The following AFF3 variants were observed in gnomAD, a reference collection of about 807,000 sequenced individuals.
AFF3 encodes ALF transcription elongation factor 3.
A neutral mutation model predicts 129.7 loss-of-function variants in AFF3; 32 were observed. The ratio of observed to expected loss-of-function variants is 0.25; its 90% CI spans 0.19 to 0.33. The LOEUF (loss-of-function observed/expected upper bound fraction) is 0.33. AFF3 is among the 10% of genes least tolerant of loss of function. AFF3 has a pLI of 1.00. For missense variants in AFF3, 1,373 were observed against 1,592.0 expected (o/e 0.86, Z 2.34); for synonymous variants, 644 against 635.4 (o/e 1.01, Z -0.20).
chr2:99,915,742 T>A (rs1278416911), intron 7 of AFF3, among the ~76,000 whole-genome samples: 1 of 152,222 alleles, frequency 6.6e-6, no homozygotes, highest in Non-Finnish European at 1.5e-5. Context: ...CTGAAATGAA[T>A]TTGCTATTTC....
intron 9 of AFF3, among the ~76,000 whole-genome samples, chr2:99,746,451 T>C (rs1681165361): frequency 6.6e-6 from 1 of 152,136 alleles, no homozygotes. Flanking sequence ...AGAGGTTGGG[T>C]AGGAAAATTG....
At chr2:100,139,505 A>T (rs901238114) in intron 1 of AFF3, among the ~76,000 whole-genome samples, 14 of 152,214 alleles carry the variant, frequency 9.2e-5, no homozygotes, top group Admixed American at 5.2e-4. Context: ...GCAGGAGTCT[A>T]GTTGTCTTGT....
intron 7 of AFF3, among the ~76,000 whole-genome samples, chr2:99,906,787 T>C (rs79891136): frequency 0.012 from 1,813 of 152,036 alleles, 40 homozygotes; most frequent in African/African-American, 0.041. Flanking sequence ...GCTAGCCCCA[T>C]ATTCGTATAA....
At chr2:99,630,521 G>C (rs1294471429) in intron 13 of AFF3, 1 of 152,192 alleles carries the variant, frequency 6.6e-6, no homozygotes, top group Non-Finnish European at 1.5e-5. Context: ...GGAAAGAGAG[G>C]GGCCAGGTAT....
At chr2:99,976,150 T>A (rs1678868829) in intron 7 of AFF3, among the ~76,000 whole-genome samples, 1 of 152,168 alleles carries the variant, frequency 6.6e-6, no homozygotes, top group Non-Finnish European at 1.5e-5. Context: ...GTGGGAATAC[T>A]TCAGAAATGA....
chr2:100,110,961 A>G (rs997797981), intron 2 of AFF3, among the ~76,000 whole-genome samples: 7 of 152,222 alleles, frequency 4.6e-5, no homozygotes, highest in African/African-American at 1.7e-4. Flanking sequence ...GCTTCCCTGC[A>G]GTAGACACCA....
intron 8 of AFF3, among the ~76,000 whole-genome samples, chr2:99,815,576 A>G (rs1434699731): frequency 6.6e-6 from 1 of 152,122 alleles, no homozygotes; most frequent in Non-Finnish European, 1.5e-5. Context: ...TTCTGCCTAA[A>G]AAATTGCCTC....
At chr2:99,969,783 G>T (rs1219781530) in intron 7 of AFF3, among the ~76,000 whole-genome samples, 1 of 152,172 alleles carries the variant, frequency 6.6e-6, no homozygotes, top group South Asian at 2.1e-4. Flanking sequence ...GATTACAGGT[G>T]TGAGCCACTA....
chr2:99,954,568 T>C (rs1044613008), intron 7 of AFF3, among the ~76,000 whole-genome samples: 1 of 152,030 alleles, frequency 6.6e-6, no homozygotes, highest in South Asian at 2.1e-4. Flanking sequence ...ATATACACCA[T>C]GGAATACTAT....
intron 4 of AFF3, among the ~76,000 whole-genome samples, chr2:100,029,193 C>G (rs1310559885): frequency 6.6e-6 from 1 of 152,154 alleles, no homozygotes; most frequent in Non-Finnish European, 1.5e-5. Context: ...TATTTGGAGA[C>G]AGGGTCCCTA....
chr2:99,823,994 C>T (rs970184859), intron 8 of AFF3, among the ~76,000 whole-genome samples: 1 of 152,130 alleles, frequency 6.6e-6, no homozygotes, highest in Non-Finnish European at 1.5e-5. Flanking sequence ...CCCAGGCTCA[C>T]TACCTAGATG....
chr2:99,554,343 T>A lies in AFF3; in HGVS notation c.3527A>T (p.Glu1176Val). The A allele has an allele frequency of 6.2e-7, 1 of 1,614,240 alleles. No homozygotes were observed. Among genetic ancestry groups the A allele is most frequent in the Non-Finnish European group, 8.5e-7 (1 of 1,180,044 alleles). The change falls in exon 24 of 25, where the codon GAG becomes GTG. Residue 1176 changes from glutamate to valine, a missense_variant. Glu to Val is a moderately radical substitution (Grantham distance 121). Around this residue, in one of 9 missense-constraint regions of AFF3, gnomAD observed 165 missense variants for 234.0 expected, o/e 0.71. Transcript: ENST00000672756. ...TTCCTTGGCCAGGTTGTCGGCCATC[T>A]CCCAGTAGTCGTAGCTGTGCAGGAT... is the stretch of plus-strand genomic sequence containing the variant. ...NSILHSYDYWEMADNLAKENR... is the reference protein window; with the variant it reads ...NSILHSYDYWVMADNLAKENR...
chr2:100,002,029 G>A (rs569350330), intron 7 of AFF3, among the ~76,000 whole-genome samples: 6 of 152,328 alleles, frequency 3.9e-5, no homozygotes, highest in South Asian at 2.1e-4. Flanking sequence ...CGTGGCCTCC[G>A]ACTGCCATGG....
intron 7 of AFF3, among the ~76,000 whole-genome samples, chr2:99,849,435 T>C (rs1328928791): frequency 6.6e-6 from 1 of 152,152 alleles, no homozygotes; most frequent in Non-Finnish European, 1.5e-5. Context: ...GGCAGGAACA[T>C]GGACCTTTGC....
intron 8 of AFF3, among the ~76,000 whole-genome samples, chr2:99,763,552 C>CACA (rs59413932): frequency 0.083 from 12,602 of 151,760 alleles, 585 homozygotes; most frequent in Middle Eastern, 0.17. Flanking sequence ...TGTCTTTAAT[C>CACA]ACAACAACAA....
In AFF3 at chr2:100,060,025, T is replaced by G. The variant is rs76307373; in HGVS notation, c.53+44377A>C. ...TCCTTCTGATCCACTCGTGTGCAGT[T>G]AGAGAACACCCAAGGGGTCCCACAC... On this transcript the variant is annotated intron_variant, in intron 4 of 24. Transcript: ENST00000672756. Among the ~76,000 whole-genome samples the G allele has an allele frequency of 5.2e-3, 784 of 152,212 alleles. 10 individuals carry two copies. The highest frequency in any genetic ancestry group is 0.018 in the African/African-American group (731 of 41,504).
intron 11 of AFF3, among the ~76,000 whole-genome samples, chr2:99,716,577 C>T (rs991563171): frequency 4.7e-5 from 7 of 149,456 alleles, no homozygotes; most frequent in African/African-American, 1.8e-4. Flanking sequence ...AAAGCTGTCA[C>T]ATAACTATAT....
chr2:99,837,631 T>A lies in AFF3; in HGVS notation c.874-107A>T, dbSNP rs115951434. On this transcript the variant is annotated intron_variant, in intron 7 of 24. Transcript: ENST00000672756. ...CCCCCCAACAAAAAAATTCAGCGAG[T>A]TACAGGTTGAGGGGATGCCTGACCT... is the stretch of plus-strand genomic sequence containing the variant. The A allele has an allele frequency of 2.9e-3, 2,945 of 1,017,784 alleles. 51 individuals are homozygous for A. In the African/African-American group the frequency reaches 0.042, roughly 15 times the overall value. The allele number at this position is 1,017,784 out of a possible 1,614,324, so 63.0% of individuals were successfully genotyped here. A position where few individuals can be genotyped will look rare whatever the true frequency, so the allele number is the denominator to read the frequency against.
intron 4 of AFF3, among the ~76,000 whole-genome samples, chr2:100,065,073 C>T (rs577868237): frequency 6.6e-6 from 1 of 152,330 alleles, no homozygotes; most frequent in African/African-American, 2.4e-5. Context: ...ACATTTTATA[C>T]CACACAGCAT....
Sources: allele counts gnomAD v4.1 joint callset (sites outside exome capture counted in the v4.1 genomes callset), GRCh38; gene constraint gnomAD v4.1.1; regional missense constraint gnomAD v4.1.1; transcripts MANE v1.5; gene names NCBI Gene and HGNC (gene_info 2026-07-23, HGNC 2026-07-21).